Variants in PRTFDC1 observed in about 807,000 individuals in gnomAD.
The protein encoded by PRTFDC1 is phosphoribosyl transferase domain containing 1, also known as phosphoribosyltransferase domain-containing protein 1.
A neutral mutation model predicts 34.6 loss-of-function variants in PRTFDC1; 38 were observed. The observed-to-expected ratio is 1.10, with a 90% confidence interval of 0.85 to 1.44. PRTFDC1 has a LOEUF of 1.44. Among genes scored for constraint, PRTFDC1 ranks in the 40% most tolerant of loss-of-function variants. The pLI is 0.00. For synonymous variants in PRTFDC1, 93 were observed against 98.1 expected (o/e 0.95, Z 0.31); for missense variants, 270 against 283.0 (o/e 0.95, Z 0.33).
chr10:24,909,482 CT>C (rs1848594007), intron 3 of PRTFDC1, among the ~76,000 whole-genome samples: 1 of 152,078 alleles, frequency 6.6e-6, no homozygotes, highest in African/African-American at 2.4e-5. Context: ...TGTATATAGC[CT>C]TTTTTGTCCC....
At chr10:24,891,693 G>A (rs1011430461) in intron 3 of PRTFDC1, among the ~76,000 whole-genome samples, 1 of 152,048 alleles carries the variant, frequency 6.6e-6, no homozygotes, top group Non-Finnish European at 1.5e-5. Flanking sequence ...CTTGAGCCCA[G>A]GAGGCTGCAG....
chr10:24,931,621 G>C (rs530770484), intron 3 of PRTFDC1, among the ~76,000 whole-genome samples: 11 of 151,934 alleles, frequency 7.2e-5, no homozygotes, highest in Admixed American at 5.9e-4. Flanking sequence ...GTAAAAACTA[G>C]ATAAAATGGA....
At chr10:24,872,759 T>C in intron 3 of PRTFDC1, among the ~76,000 whole-genome samples, 1 of 127,036 alleles carries the variant, frequency 7.9e-6, no homozygotes, top group East Asian at 2.3e-4. Context: ...TGTGCACACG[T>C]GTGTGTGTAT....
chr10:24,931,543 A>T (rs1457521467), intron 3 of PRTFDC1, among the ~76,000 whole-genome samples: 1 of 149,134 alleles, frequency 6.7e-6, no homozygotes, highest in Non-Finnish European at 1.5e-5. Context: ...CAGGACTGAA[A>T]GAGAGAATAT....
At chr10:24,851,583 AGTGAGAAATG>A in intron 7 of PRTFDC1, 119 bp from the exon 8 acceptor site, 1 of 1,445,542 alleles carries the variant, frequency 6.9e-7, no homozygotes, top group South Asian at 1.4e-5. Flanking sequence ...GGCAGGAGGG[AGTGAGAAATG>A]GTGAGAAATG....
chr10:24,946,006 G>A (rs1247893843), intron 1 of PRTFDC1, among the ~76,000 whole-genome samples: 1 of 152,136 alleles, frequency 6.6e-6, no homozygotes, highest in Non-Finnish European at 1.5e-5. Context: ...CTGGCCCCAG[G>A]CCCCAGGGGG....
At chr10:24,894,259 AAC>A (rs2132543016) in intron 3 of PRTFDC1, among the ~76,000 whole-genome samples, 1 of 151,766 alleles carries the variant, frequency 6.6e-6, no homozygotes, top group East Asian at 1.9e-4. Context: ...TGAACCTGGG[AAC>A]CAGAGGTTGC....
At chr10:24,939,372 T>C (rs1022347657) in intron 2 of PRTFDC1, among the ~76,000 whole-genome samples, 5 of 146,126 alleles carry the variant, frequency 3.4e-5, no homozygotes, top group African/African-American at 1.3e-4. Flanking sequence ...CAGCAATGAA[T>C]AGAAAATAGT....
chr10:24,887,901 T>C (rs1848197105), intron 3 of PRTFDC1, among the ~76,000 whole-genome samples: 1 of 149,222 alleles, frequency 6.7e-6, no homozygotes, highest in South Asian at 2.1e-4. Context: ...TATGCATCTG[T>C]TCACTTCTGT....
chr10:24,911,528 C>G (rs6482455), intron 3 of PRTFDC1, among the ~76,000 whole-genome samples: 26,890 of 151,962 alleles, frequency 0.18, 3,411 homozygotes, highest in African/African-American at 0.36. Flanking sequence ...TGAGTTATTA[C>G]AAATAAAGTT....
chr10:24,882,077 C>T (rs1199412606), intron 3 of PRTFDC1, among the ~76,000 whole-genome samples: 1 of 151,452 alleles, frequency 6.6e-6, no homozygotes, highest in East Asian at 1.9e-4. Context: ...TGTGGTGGCA[C>T]GCACTTGTAA....
At chr10:24,882,204 C>CAAAAAAAAAAAAAAAAA (rs10651020) in intron 3 of PRTFDC1, among the ~76,000 whole-genome samples, 3 of 107,500 alleles carry the variant, frequency 2.8e-5, no homozygotes, top group African/African-American at 1.1e-4. Context: ...GGATCTGCCT[C>CAAAAAAAAAAAAAAAAA]AAAAAAAAAA....
chr10:24,879,234 T>C lies in PRTFDC1; in HGVS notation c.340-7171A>G, dbSNP rs1848024180. 2.0e-5 allele frequency among the ~76,000 whole-genome samples: 3 copies of C among 152,192 alleles called. No individual in the cohort carries two copies. The South Asian group carries it at 6.2e-4, about 32-fold the overall frequency. On this transcript the variant is annotated intron_variant, in intron 3 of 8. Coordinates refer to ENST00000320152, the MANE Select transcript of PRTFDC1 (RefSeq NM_020200.7). ...CTTGTAATTGAGTCCCTCAGTCTTT[T>C]AAGCTGCATGGAGCCAAAGTGGAAG...
chr10:24,873,596 C>T (rs954366494), intron 3 of PRTFDC1, among the ~76,000 whole-genome samples: 5 of 152,152 alleles, frequency 3.3e-5, no homozygotes, highest in Admixed American at 6.5e-5. Context: ...GAGTCCATTC[C>T]ACATGGTTCA....
rs1336108025 is a variant in PRTFDC1, at chr10:24,910,104, C to T, written c.339+27080G>A. Among the ~76,000 whole-genome samples the T allele has an allele frequency of 5.9e-5, 9 of 151,960 alleles. No homozygotes were observed. In the South Asian group the frequency reaches 6.3e-4, roughly 11 times the overall value. The stretch of plus-strand genomic sequence containing the variant: ...TGAACCCAGGAGGCAGAGGTTGCTG[C>T]GAGCCGAAATCGTGCCACTGCACTC... On this transcript the variant is annotated intron_variant, in intron 3 of 8. Coordinates refer to ENST00000320152, the MANE Select transcript of PRTFDC1 (RefSeq NM_020200.7).
rs1263363534 is a variant in PRTFDC1 at position 24,855,388 on chromosome 10, T to C, written c.507-24A>G. 7 of 1,613,254 alleles carry C rather than the reference T, an allele frequency of 4.3e-6. No homozygotes were observed. In the Admixed American group the frequency reaches 8.3e-5, roughly 19 times the overall value. On this transcript the variant is annotated intron_variant, in intron 6 of 8. Coordinates refer to ENST00000320152, the MANE Select transcript of PRTFDC1 (RefSeq NM_020200.7). Reference sequence around the variant, plus strand: ...AACTACCATTAAAAAAGACATGCTTTAGTGAACCCAATCAAATCTCTATGA... The same window carrying C: ...AACTACCATTAAAAAAGACATGCTTCAGTGAACCCAATCAAATCTCTATGA...
chr10:24,899,780 C>T (rs1284890974), intron 3 of PRTFDC1, among the ~76,000 whole-genome samples: 1 of 152,180 alleles, frequency 6.6e-6, no homozygotes, highest in Non-Finnish European at 1.5e-5. Context: ...TCATTTTAAA[C>T]ATGTTCCCAC....
At chr10:24,932,548 T>C (rs1257564937) in intron 3 of PRTFDC1, among the ~76,000 whole-genome samples, 1 of 151,948 alleles carries the variant, frequency 6.6e-6, no homozygotes, top group African/African-American at 2.4e-5. Flanking sequence ...CTGAATATAA[T>C]AGGATCAAAA....
intron 1 of PRTFDC1, among the ~76,000 whole-genome samples, chr10:24,949,743 T>TTTATTTA (rs1849310044): frequency 9.9e-6 from 1 of 100,958 alleles, no homozygotes; most frequent in Non-Finnish European, 2.3e-5. Context: ...TTATTTATTT[T>TTTATTTA]TTTTTTTTTT....
Sources: allele counts gnomAD v4.1 joint callset (sites outside exome capture counted in the v4.1 genomes callset), GRCh38; gene constraint gnomAD v4.1.1; transcripts MANE v1.5; gene names NCBI Gene and HGNC (gene_info 2026-07-23, HGNC 2026-07-21).